LARS2: variants seen among roughly 807,000 people sequenced by gnomAD.
LARS2 encodes leucyl-tRNA synthetase 2, mitochondrial.
Under a neutral mutation model 116.6 loss-of-function variants are expected in LARS2, and 81 were observed. That is an observed-to-expected ratio of 0.69 (90% CI 0.58 to 0.84). The LOEUF is 0.84. Ranked by LOEUF, LARS2 falls within the 40% of genes least tolerant of loss-of-function variation. The pLI is 0.00. For missense variants in LARS2, 968 were observed against 1,114.5 expected, an observed-to-expected ratio of 0.87 and a Z score of 1.87; for synonymous variants, 396 against 407.2, an observed-to-expected ratio of 0.97 and a Z score of 0.33.
At chr3:45,496,501 AAGAGG>A (rs1700014060) in intron 14 of LARS2, 128 bp downstream of exon 14, 1 of 740,040 alleles carries the variant, frequency 1.4e-6, no homozygotes, top group Non-Finnish European at 2.4e-6. Flanking sequence ...TAAAGGGGAG[AAGAGG>A]AGGAGTGGGC....
chr3:45,520,445 T>C, intron 19 of LARS2, 149 bp downstream of exon 19: 1 of 599,526 alleles, frequency 1.7e-6, no homozygotes. Flanking sequence ...CATTTTTCCA[T>C]AGTCACAACC....
chr3:45,481,457 TC>T (rs1185409652), intron 10 of LARS2, among the ~76,000 whole-genome samples: 4 of 152,194 alleles, frequency 2.6e-5, no homozygotes, highest in Admixed American at 1.3e-4. Flanking sequence ...CATTTTACAT[TC>T]CCACCAGCAG....
At chr3:45,476,685 G>C (rs1277187968) in intron 10 of LARS2, 58 bp downstream of exon 10, 6 of 1,575,358 alleles carry the variant, frequency 3.8e-6, no homozygotes, top group Non-Finnish European at 5.2e-6. Context: ...TTTGGATGGC[G>C]CCTCCCAGAG....
At chr3:45,530,313 A>C (rs1700596404) in intron 20 of LARS2, among the ~76,000 whole-genome samples, 1 of 152,204 alleles carries the variant, frequency 6.6e-6, no homozygotes, top group Non-Finnish European at 1.5e-5. Context: ...ATGAGGTCAA[A>C]GATCAAGACC....
intron 8 of LARS2, among the ~76,000 whole-genome samples, chr3:45,463,443 CT>C (rs1341383154): frequency 6.6e-6 from 1 of 152,192 alleles, no homozygotes; most frequent in Admixed American, 6.5e-5. Context: ...CTGTGTTTGC[CT>C]CTCATTTCCT....
intron 8 of LARS2, among the ~76,000 whole-genome samples, chr3:45,459,512 G>A (rs1200042500): frequency 1.3e-5 from 2 of 152,230 alleles, no homozygotes; most frequent in African/African-American, 4.8e-5. Flanking sequence ...AATACAATGA[G>A]CAGGTTGGAC....
chr3:45,509,080 C>A (rs1700242407), intron 15 of LARS2, among the ~76,000 whole-genome samples: 1 of 152,110 alleles, frequency 6.6e-6, no homozygotes, highest in Non-Finnish European at 1.5e-5. Context: ...GCATGATCTA[C>A]CTCCAGGGAT....
At chr3:45,447,641 G>C (rs912015850) in intron 7 of LARS2, among the ~76,000 whole-genome samples, 1 of 152,128 alleles carries the variant, frequency 6.6e-6, no homozygotes, top group Non-Finnish European at 1.5e-5. Context: ...TGGACTTCCT[G>C]ACCTCCAGAA....
At chr3:45,498,340 G>C (rs577683707) in intron 14 of LARS2, among the ~76,000 whole-genome samples, 1 of 152,316 alleles carries the variant, frequency 6.6e-6, no homozygotes, top group African/African-American at 2.4e-5. Context: ...AATCTGAGCT[G>C]TAGCTACTTT....
intron 4 of LARS2, among the ~76,000 whole-genome samples, chr3:45,402,401 G>T (rs967546793): frequency 3.9e-5 from 6 of 152,168 alleles, no homozygotes; most frequent in African/African-American, 1.4e-4. Context: ...TTACGTCATG[G>T]TAATCAGCAA....
intron 8 of LARS2, among the ~76,000 whole-genome samples, chr3:45,462,419 CA>C (rs5848744): frequency 0.76 from 111,897 of 148,070 alleles, 43,282 homozygotes; most frequent in East Asian, 0.96. Context: ...CAATTTCTAC[CA>C]AAAAAAAAAA....
At position 45,501,165 on chromosome 3, in the gene LARS2, ATT is replaced by A. The variant is rs372402383; in HGVS notation, c.1760+590_1760+591del. On this transcript the variant is annotated intron_variant, in intron 15 of 21. Coordinates refer to ENST00000645846, the MANE Select transcript of LARS2 (RefSeq NM_015340.4). ...AATGGTACAACACATTAAATATGGA[ATT>A]TTTATATATGAACATACATGCCCCA... Among the ~76,000 whole-genome samples the A allele has an allele frequency of 1.4e-5, 2 of 142,884 alleles. 1 individual carries two copies. The highest frequency in any genetic ancestry group is 3.1e-5 in the Non-Finnish European group (2 of 64,560). 93.7% of individuals were successfully genotyped at this position (142,884 alleles called of 152,430 possible). A position where few individuals can be genotyped will look rare whatever the true frequency, so the allele number is the denominator to read the frequency against.
intron 20 of LARS2, among the ~76,000 whole-genome samples, chr3:45,535,757 C>T (rs1365044447): frequency 3.9e-5 from 2 of 50,782 alleles, no homozygotes; most frequent in African/African-American, 6.9e-5. Flanking sequence ...CACACACACA[C>T]ACACACACAC....
At chr3:45,513,272 C>T (rs770769661) in intron 16 of LARS2, 37 bp downstream of exon 16, 2 of 1,384,346 alleles carry the variant, frequency 1.4e-6, no homozygotes, top group Non-Finnish European at 2.1e-6. Flanking sequence ...CAGGTACTCC[C>T]AGAGAGCCAA....
Position 45,547,531 on chromosome 3 carries a change from C to T in LARS2, c.*1C>T. 6.3e-7 allele frequency: 1 copy of T among 1,598,026 alleles called. No homozygotes were observed. Among genetic ancestry groups the T allele is most frequent in the South Asian group, 1.1e-5 (1 of 88,648 alleles). ...CATCAACTTCCTGGTGCAAGATTGA[C>T]AGCCAGGAGGCTGCAGCTACCACGA... is the stretch of plus-strand genomic sequence containing the variant. On this transcript the variant is annotated 3_prime_UTR_variant, in exon 22 of 22. Coordinates refer to ENST00000645846, the MANE Select transcript of LARS2 (RefSeq NM_015340.4).
chr3:45,519,316 C>T (rs1700416074), intron 18 of LARS2, among the ~76,000 whole-genome samples: 1 of 151,482 alleles, frequency 6.6e-6, no homozygotes, highest in African/African-American at 2.4e-5. Flanking sequence ...ATGGTGAAAC[C>T]CCGTTTCTAC....
At chr3:45,432,287 A>G (rs1163134837) in intron 6 of LARS2, among the ~76,000 whole-genome samples, 1 of 152,140 alleles carries the variant, frequency 6.6e-6, no homozygotes, top group South Asian at 2.1e-4. Context: ...GGACTTGAAA[A>G]ATGTAATAAA....
chr3:45,507,365 T>C (rs1013299866), intron 15 of LARS2, among the ~76,000 whole-genome samples: 18 of 152,136 alleles, frequency 1.2e-4, no homozygotes, highest in Non-Finnish European at 2.1e-4. Context: ...TGGAACAATC[T>C]TTCTGAAAAG....
chr3:45,533,278 G>A (rs1318547919), intron 20 of LARS2, among the ~76,000 whole-genome samples: 3 of 148,368 alleles, frequency 2.0e-5, no homozygotes, highest in African/African-American at 5.0e-5. Flanking sequence ...AGCCTCCTGA[G>A]TAGCTGGGAC....
Sources: allele counts gnomAD v4.1 joint callset (sites outside exome capture counted in the v4.1 genomes callset), GRCh38; gene constraint gnomAD v4.1.1; transcripts MANE v1.5; gene names NCBI Gene and HGNC (gene_info 2026-07-23, HGNC 2026-07-21).